The following SH3KBP1 variants were observed in gnomAD, a reference collection of about 807,000 sequenced individuals.
SH3KBP1 encodes the protein SH3 domain-containing kinase-binding protein 1.
Under a neutral mutation model 50.1 loss-of-function variants are expected in SH3KBP1, and 8 were observed. The observed-to-expected ratio is 0.16, with a 90% CI of 0.09 to 0.29. The LOEUF (loss-of-function observed/expected upper bound fraction) is 0.29. Ranked by LOEUF, SH3KBP1 falls within the 10% of genes least tolerant of loss-of-function variation. SH3KBP1 has a pLI of 1.00. For missense variants in SH3KBP1, 377 were observed against 535.2 expected (o/e 0.70, Z 2.92); for synonymous variants, 227 against 218.6 (o/e 1.04, Z -0.34).
chrX:19,541,917 G>T lies in SH3KBP1; in HGVS notation c.1892+8C>A. ...GGTGACGGCCCCCAAGAGTCCCCAG[G>T]CACTCACTTCTGCTGGTCCTTCATG... On this transcript the variant is annotated splice_region_variant and intron_variant, in intron 16 of 17. Coordinates refer to ENST00000397821, the MANE Select transcript of SH3KBP1 (RefSeq NM_031892.3). 8.3e-7 allele frequency: 1 copy of T among 1,201,387 alleles called. No homozygotes were observed. The highest frequency in any genetic ancestry group is 1.1e-6 in the Non-Finnish European group (1 of 889,327).
chrX:19,601,722 C>G (rs73457672), intron 9 of SH3KBP1: 2,786 of 110,913 alleles, frequency 0.025, 81 homozygotes, highest in African/African-American at 0.087. Flanking sequence ...ACATGGGGAT[C>G]TCCACTCTGC....
At chrX:19,760,258 G>T (rs1348280342) in intron 2 of SH3KBP1, among the ~76,000 whole-genome samples, 1 of 109,087 alleles carries the variant, frequency 9.2e-6, no homozygotes, top group African/African-American at 3.4e-5. Flanking sequence ...GCGGTGGCAG[G>T]CGCCTGTAGT....
chrX:19,880,671 T>C (rs1294375323), intron 1 of SH3KBP1, among the ~76,000 whole-genome samples: 2 of 112,263 alleles, frequency 1.8e-5, no homozygotes, highest in Non-Finnish European at 3.8e-5. Context: ...CCCCAGAACC[T>C]GTGACTATGT....
chrX:19,584,276 TA>T (rs2066485888), intron 12 of SH3KBP1, among the ~76,000 whole-genome samples: 1 of 95,560 alleles, frequency 1.0e-5, no homozygotes, highest in Non-Finnish European at 2.0e-5. Context: ...TATTTATATA[TA>T]TATAAATATA....
intron 3 of SH3KBP1, among the ~76,000 whole-genome samples, chrX:19,738,684 G>A (rs1263636617): frequency 1.1e-3 from 93 of 81,833 alleles, no homozygotes; most frequent in Middle Eastern, 6.5e-3. Context: ...AAGGATTCAT[G>A]TCAGCAATGC....
At chrX:19,562,933 G>A (rs374602396) in intron 13 of SH3KBP1, among the ~76,000 whole-genome samples, 1 of 112,435 alleles carries the variant, frequency 8.9e-6, no homozygotes, top group South Asian at 3.7e-4. Flanking sequence ...ATGCACTGCT[G>A]CAGTGAGGTT....
chrX:19,694,884 G>A lies in SH3KBP1; in HGVS notation c.520+728C>T, dbSNP rs1185435526. The stretch of plus-strand genomic sequence containing the variant: ...CAACCCCAGGTAGTGCTGCACAGTC[G>A]AGCCTCCTACAACATTCATGCCCAT... On this transcript the variant is annotated intron_variant, in intron 5 of 17. Transcript: ENST00000397821. The A allele has an allele frequency of 9.4e-6, 6 of 638,444 alleles. No homozygotes were observed. The Admixed American group carries it at 1.1e-4, about 12-fold the overall frequency. 52.6% of individuals were successfully genotyped at this position (638,444 alleles called of 1,213,427 possible).
rs775029637 is a variant in SH3KBP1, at chrX:19,688,591, G to A, written c.521-4563C>T. 2.7e-5 allele frequency among the ~76,000 whole-genome samples: 3 copies of A among 110,640 alleles called. No individual in the cohort carries two copies. The East Asian group carries it at 8.5e-4, about 31-fold the overall frequency. On this transcript the variant is annotated intron_variant, in intron 5 of 17. Transcript: ENST00000397821. ...ATACACACATACTGCCCTGGTTTGA[G>A]TGTACTCCAACCCATCCTCCCACCC...
chrX:19,712,101 T>C (rs2063790322), intron 3 of SH3KBP1, among the ~76,000 whole-genome samples: 1 of 112,326 alleles, frequency 8.9e-6, no homozygotes, highest in South Asian at 3.6e-4. Flanking sequence ...TTGCTGCATA[T>C]TGAAATCGAC....
intron 8 of SH3KBP1, among the ~76,000 whole-genome samples, chrX:19,618,046 A>C (rs2067670912): frequency 8.9e-6 from 1 of 111,736 alleles, no homozygotes; most frequent in African/African-American, 3.3e-5. Context: ...CAAGGGCAGA[A>C]GCCCTAAAGG....
chrX:19,538,318 C>T (rs1275012986), intron 16 of SH3KBP1, among the ~76,000 whole-genome samples: 1 of 111,707 alleles, frequency 9.0e-6, no homozygotes, highest in East Asian at 2.8e-4. Context: ...GATCCTCCTG[C>T]CTCAGCCTCC....
At chrX:19,782,584 G>C (rs1032500911) in intron 2 of SH3KBP1, among the ~76,000 whole-genome samples, 6 of 111,448 alleles carry the variant, frequency 5.4e-5, no homozygotes, top group Non-Finnish European at 3.8e-5. Context: ...GCCCAGGACA[G>C]ACACGTTTCG....
At chrX:19,568,057 C>G (rs1462769932) in intron 13 of SH3KBP1, among the ~76,000 whole-genome samples, 1 of 110,631 alleles carries the variant, frequency 9.0e-6, no homozygotes, top group Non-Finnish European at 1.9e-5. Flanking sequence ...CAATTGAACT[C>G]ATGGCGGTAG....
intron 2 of SH3KBP1, among the ~76,000 whole-genome samples, chrX:19,804,744 G>A (rs941988624): frequency 1.8e-5 from 2 of 109,480 alleles, no homozygotes; most frequent in Non-Finnish European, 3.8e-5. Flanking sequence ...TCCCCCAGGT[G>A]ATCCACACAG....
intron 12 of SH3KBP1, among the ~76,000 whole-genome samples, chrX:19,580,810 C>G (rs764885313): frequency 9.0e-6 from 1 of 111,247 alleles, no homozygotes; most frequent in Non-Finnish European, 1.9e-5. Context: ...CCACCCTGTA[C>G]GCAGTGATTT....
At chrX:19,551,436 C>T (rs1163099104) in intron 13 of SH3KBP1, among the ~76,000 whole-genome samples, 1 of 110,724 alleles carries the variant, frequency 9.0e-6, no homozygotes. Context: ...ATTCCCCCTG[C>T]TAGAATGTGC....
chrX:19,693,573 A>G (rs1422079867), intron 5 of SH3KBP1, among the ~76,000 whole-genome samples: 2 of 111,476 alleles, frequency 1.8e-5, no homozygotes, highest in Non-Finnish European at 3.8e-5. Flanking sequence ...CTTGAAATGG[A>G]AGGCTTTTAA....
intron 2 of SH3KBP1, among the ~76,000 whole-genome samples, chrX:19,834,453 T>G (rs1015378218): frequency 4.4e-5 from 5 of 112,398 alleles, no homozygotes; most frequent in African/African-American, 1.6e-4. Context: ...CAATCCATTC[T>G]TCTCCAGTAT....
At chrX:19,866,632 A>G (rs1186803694) in intron 1 of SH3KBP1, among the ~76,000 whole-genome samples, 1 of 108,212 alleles carries the variant, frequency 9.2e-6, no homozygotes, top group Non-Finnish European at 1.9e-5. Context: ...TGAGGGTACA[A>G]TGAGCCATGA....
Sources: allele counts gnomAD v4.1 joint callset (sites outside exome capture counted in the v4.1 genomes callset), GRCh38; gene constraint gnomAD v4.1.1; transcripts MANE v1.5; gene names NCBI Gene and HGNC (gene_info 2026-07-23, HGNC 2026-07-21).